PPARGC1A: variants seen among roughly 807,000 people sequenced by gnomAD.
PPARGC1A encodes PPARG coactivator 1 alpha, also known as peroxisome proliferator-activated receptor gamma coactivator 1-alpha.
A neutral mutation model predicts 88.7 loss-of-function variants in PPARGC1A; 25 were observed. The observed-to-expected ratio is 0.28, with a 90% CI of 0.21 to 0.39. The LOEUF (loss-of-function observed/expected upper bound fraction) is 0.39. Among genes scored for constraint, PPARGC1A ranks in the 10% least tolerant of loss-of-function variants. PPARGC1A has a pLI of 1.00. For missense variants in PPARGC1A, 880 were observed against 968.7 expected (o/e 0.91, Z 1.22); for synonymous variants, 363 against 355.6 (o/e 1.02, Z -0.24).
chr4:23,843,394 C>T (rs1182772097), intron 2 of PPARGC1A, among the ~76,000 whole-genome samples: 1 of 152,046 alleles, frequency 6.6e-6, no homozygotes, highest in East Asian at 1.9e-4. Flanking sequence ...CTGCAAGTTA[C>T]TTAACCTTAA....
At chr4:23,875,691 G>T (rs548624276) in intron 2 of PPARGC1A, 1 of 151,882 alleles carries the variant, frequency 6.6e-6, no homozygotes, top group East Asian at 1.9e-4. Flanking sequence ...AATCCCATTC[G>T]CCACAGCAAA....
the PPARGC1A span, among the ~76,000 whole-genome samples, chr4:24,213,087 A>C: frequency 6.6e-6 from 1 of 151,810 alleles, no homozygotes; most frequent in African/African-American, 2.4e-5. Flanking sequence ...TCATGCTTCT[A>C]ATCTAGTCTT....
At chr4:24,175,375 GTTTT>G in the PPARGC1A span, among the ~76,000 whole-genome samples, 1 of 114,986 alleles carries the variant, frequency 8.7e-6, no homozygotes, top group East Asian at 2.6e-4. Flanking sequence ...TCTTTGTTTC[GTTTT>G]TTTTTTTTTT....
At chr4:23,963,327 G>C in the PPARGC1A span, among the ~76,000 whole-genome samples, 1 of 152,104 alleles carries the variant, frequency 6.6e-6, no homozygotes, top group African/African-American at 2.4e-5. Context: ...AGAACATTTA[G>C]CAAGCAAAAT....
the PPARGC1A span, among the ~76,000 whole-genome samples, chr4:24,383,374 G>A: frequency 6.6e-6 from 1 of 152,166 alleles, no homozygotes; most frequent in Non-Finnish European, 1.5e-5. Flanking sequence ...CGGAGAATGA[G>A]TTTGACCAAT....
chr4:24,370,783 C>CTTTTTTTTTTTTTTTTTTTT, the PPARGC1A span, among the ~76,000 whole-genome samples: 18 of 64,466 alleles, frequency 2.8e-4, no homozygotes, highest in Non-Finnish European at 2.4e-4. Flanking sequence ...TTTTTTTTTA[C>CTTTTTTTTTTTTTTTTTTTT]TTTAAGTTCT....
chr4:23,838,189 C>T (rs1726389089), intron 2 of PPARGC1A, among the ~76,000 whole-genome samples: 1 of 152,250 alleles, frequency 6.6e-6, no homozygotes, highest in East Asian at 1.9e-4. Flanking sequence ...CACATTCAAA[C>T]AATTGATTTT....
chr4:24,135,604 C>T, the PPARGC1A span, among the ~76,000 whole-genome samples: 1 of 152,154 alleles, frequency 6.6e-6, no homozygotes, highest in Non-Finnish European at 1.5e-5. Context: ...TCCCTGTTCT[C>T]CTCCCATCTG....
chr4:23,820,450 T>A (rs1254633573), intron 7 of PPARGC1A: 1 of 224,680 alleles, frequency 4.5e-6, no homozygotes, highest in Non-Finnish European at 9.3e-6. Flanking sequence ...TTCCTTCGTG[T>A]CTGTGGTTTA....
At chr4:24,332,110 G>GTT in the PPARGC1A span, among the ~76,000 whole-genome samples, 159 of 150,670 alleles carry the variant, frequency 1.1e-3, no homozygotes, top group South Asian at 0.015. Context: ...AGAACAGTGG[G>GTT]TTTTTTTTTG....
chr4:23,949,763 C>T, the PPARGC1A span, among the ~76,000 whole-genome samples: 2 of 152,086 alleles, frequency 1.3e-5, no homozygotes, highest in Non-Finnish European at 2.9e-5. Flanking sequence ...CCACCCCTTC[C>T]CCCACAATCT....
At chr4:23,946,022 C>A in the PPARGC1A span, among the ~76,000 whole-genome samples, 1 of 152,080 alleles carries the variant, frequency 6.6e-6, no homozygotes, top group Admixed American at 6.6e-5. Flanking sequence ...CCCTCCTCCC[C>A]AGGGCAGAAT....
the PPARGC1A span, among the ~76,000 whole-genome samples, chr4:23,981,022 T>C: frequency 6.6e-6 from 1 of 152,022 alleles, no homozygotes; most frequent in Non-Finnish European, 1.5e-5. Flanking sequence ...ATATGTAATT[T>C]CTCCCTTGTC....
chr4:24,438,933 A>G, the PPARGC1A span, among the ~76,000 whole-genome samples: 2 of 152,128 alleles, frequency 1.3e-5, no homozygotes, highest in Non-Finnish European at 2.9e-5. Flanking sequence ...AATTTATCAT[A>G]TAATGGAATG....
the PPARGC1A span, among the ~76,000 whole-genome samples, chr4:24,202,383 T>C: frequency 6.6e-6 from 1 of 152,192 alleles, no homozygotes; most frequent in African/African-American, 2.4e-5. Flanking sequence ...TTTGTTGTTG[T>C]TGTGGTCCCA....
At chr4:24,309,269 G>A in the PPARGC1A span, among the ~76,000 whole-genome samples, 31 of 152,288 alleles carry the variant, frequency 2.0e-4, no homozygotes, top group African/African-American at 7.2e-4. Flanking sequence ...GTAGCTTTAA[G>A]AAGGTGATAT....
At chr4:24,291,374 C>T in the PPARGC1A span, among the ~76,000 whole-genome samples, 1 of 152,164 alleles carries the variant, frequency 6.6e-6, no homozygotes, top group African/African-American at 2.4e-5. Flanking sequence ...TACGTAAATA[C>T]ATGCAAGATG....
the PPARGC1A span, among the ~76,000 whole-genome samples, chr4:24,171,142 T>C: frequency 6.6e-6 from 1 of 152,164 alleles, no homozygotes. Flanking sequence ...CCAGGCGCGG[T>C]GGCTCACGCC....
At chr4:24,152,148 G>A in the PPARGC1A span, among the ~76,000 whole-genome samples, 1 of 152,158 alleles carries the variant, frequency 6.6e-6, no homozygotes. Context: ...TTCGATTTAA[G>A]CCACTTCCTC....
Sources: allele counts gnomAD v4.1 joint callset (sites outside exome capture counted in the v4.1 genomes callset), GRCh38; gene constraint gnomAD v4.1.1; transcripts MANE v1.5; gene names NCBI Gene and HGNC (gene_info 2026-07-23, HGNC 2026-07-21).